PRMT8: variants seen among roughly 807,000 people sequenced by gnomAD.
PRMT8 encodes protein arginine N-methyltransferase 8.
PRMT8 carries 7 observed loss-of-function variants against 47.1 expected under a neutral mutation model. That is an observed-to-expected ratio of 0.15 (90% CI 0.08 to 0.28). The LOEUF (loss-of-function observed/expected upper bound fraction) is 0.28, where lower values mean the gene tolerates loss of function less well. PRMT8 is among the 10% of genes least tolerant of loss of function. The probability of loss-of-function intolerance (pLI) is 1.00; values close to 1 mark genes in which losing one functional copy is unlikely to be tolerated. For missense variants in PRMT8, 237 were observed against 505.4 expected (o/e 0.47, Z 5.09); for synonymous variants, 188 against 186.5 (o/e 1.01, Z -0.07).
At chr12:3,402,133 A>G in intron 1 of PRMT8, among the ~76,000 whole-genome samples, 1 of 133,854 alleles carries the variant, frequency 7.5e-6, no homozygotes, top group Admixed American at 6.9e-5. Context: ...AAGAACAAAC[A>G]CTGACTAGTG....
At chr12:3,452,016 T>A (rs1234150476) in intron 1 of PRMT8, among the ~76,000 whole-genome samples, 3 of 152,172 alleles carry the variant, frequency 2.0e-5, no homozygotes, top group Admixed American at 2.0e-4. Flanking sequence ...ACGCCTCCCA[T>A]GGCCTGCAAT....
intron 1 of PRMT8, among the ~76,000 whole-genome samples, chr12:3,472,036 A>G (rs1865167494): frequency 6.6e-6 from 1 of 152,184 alleles, no homozygotes; most frequent in Non-Finnish European, 1.5e-5. Context: ...CAGTGCTTTG[A>G]AAAGATTCCC....
At chr12:3,546,790 C>A (rs1387999933) in intron 2 of PRMT8, among the ~76,000 whole-genome samples, 1 of 152,074 alleles carries the variant, frequency 6.6e-6, no homozygotes, top group South Asian at 2.1e-4. Flanking sequence ...AATATATGAG[C>A]AGAGAACACT....
At chr12:3,578,338 T>A (rs1207954778) in intron 7 of PRMT8, among the ~76,000 whole-genome samples, 2 of 152,160 alleles carry the variant, frequency 1.3e-5, no homozygotes, top group African/African-American at 4.8e-5. Context: ...GATTTTCCTG[T>A]CTTAGCCTCC....
intron 1 of PRMT8, among the ~76,000 whole-genome samples, chr12:3,468,115 C>A (rs190169495): frequency 6.6e-6 from 1 of 152,182 alleles, no homozygotes; most frequent in Non-Finnish European, 1.5e-5. Context: ...GTAAAGAGGG[C>A]CTTCGAAAGA....
intron 1 of PRMT8, among the ~76,000 whole-genome samples, chr12:3,392,077 C>T (rs1358140645): frequency 1.3e-5 from 2 of 152,140 alleles, no homozygotes; most frequent in Non-Finnish European, 2.9e-5. Flanking sequence ...ACAAATGTTT[C>T]TGGTATGCAG....
At position 3,570,693 on chromosome 12, in the gene PRMT8, G is replaced by A. The variant is rs917600; in HGVS notation, c.712+1129G>A. Among the ~76,000 whole-genome samples, 20,444 of 152,220 alleles carry A rather than the reference G, an allele frequency of 0.13. 1,498 individuals carry two copies. The highest frequency in any genetic ancestry group is 0.26 in the East Asian group (1,353 of 5,172). ...AACTCGGCTGGACTCTGCTATGGAT[G>A]TGTGTATTTGTGTGGGTTCATGCCT... On this transcript the variant is annotated intron_variant, in intron 6 of 9. Coordinates refer to ENST00000382622, the MANE Select transcript of PRMT8 (RefSeq NM_019854.5). This position sits in a 1 kb window ranked among gnomAD's most constrained non-coding sequence, Gnocchi z 5.5.
rs1866098265 is a variant in PRMT8 at position 3,535,268 on chromosome 12, G to T, written c.76-5338G>T. Among the ~76,000 whole-genome samples the T allele has an allele frequency of 6.6e-6, 1 of 152,182 alleles. No individual in the cohort carries two copies. ...TCTGCATTTAGTGGGCCCGAGGCCT[G>T]TTCACCCCAGTAGAGTGGGTAGACT... is the stretch of plus-strand genomic sequence containing the variant. On this transcript the variant is annotated intron_variant, in intron 1 of 9. Coordinates refer to ENST00000382622, the MANE Select transcript of PRMT8 (RefSeq NM_019854.5). This position sits in a 1 kb window ranked among gnomAD's most constrained non-coding sequence, Gnocchi z 4.7.
chr12:3,543,519 G>A lies in PRMT8; in HGVS notation c.261+2728G>A, dbSNP rs181105072. ...CCCATCATTAACAAGACCCTCACAC[G>A]GTGGGGAGCAGCCCCACCGGCCTGC... On this transcript the variant is annotated intron_variant, in intron 2 of 9. Transcript: ENST00000382622. Among the ~76,000 whole-genome samples the A allele has an allele frequency of 2.8e-3, 421 of 152,280 alleles. 6 individuals carry two copies. Among genetic ancestry groups the A allele is most frequent in the Non-Finnish European group, 2.4e-3 (160 of 68,004 alleles).
intron 1 of PRMT8, chr12:3,469,170 G>A (rs1277502752): frequency 6.1e-6 from 3 of 491,224 alleles, no homozygotes; most frequent in African/African-American, 2.0e-5. Context: ...CTATATTCCT[G>A]TGTGAGTGTG....
At chr12:3,398,900 G>T (rs1360520478) in intron 1 of PRMT8, among the ~76,000 whole-genome samples, 1 of 152,184 alleles carries the variant, frequency 6.6e-6, no homozygotes, top group East Asian at 1.9e-4. Flanking sequence ...ATGCAGTGGG[G>T]CTGCTCATGG....
rs559976322 is a variant in PRMT8 at position 3,420,508 on chromosome 12, C to T, written c.48+39066C>T. Among the ~76,000 whole-genome samples, 321 of 152,254 alleles carry T rather than the reference C, an allele frequency of 2.1e-3. 1 individual carries two copies. Among genetic ancestry groups the T allele is most frequent in the Admixed American group, 7.5e-3 (115 of 15,306 alleles). The stretch of plus-strand genomic sequence containing the variant: ...CCACTGAGAAGCTGAAAAAGCCAGA[C>T]GCTGTGACAGCCTCCCAGCAGTGAG... On this transcript the variant is annotated intron_variant, in intron 1 of 9. Coordinates refer to the PRMT8 transcript ENST00000452611.
intron 1 of PRMT8, among the ~76,000 whole-genome samples, chr12:3,399,857 C>T (rs1864299543): frequency 6.6e-6 from 1 of 152,194 alleles, no homozygotes; most frequent in Admixed American, 6.5e-5. Flanking sequence ...CTAGAGTGAG[C>T]ATGTGAGTCT....
At chr12:3,520,473 T>C (rs1272168061) in intron 1 of PRMT8, among the ~76,000 whole-genome samples, 1 of 152,148 alleles carries the variant, frequency 6.6e-6, no homozygotes, top group East Asian at 1.9e-4. Flanking sequence ...GTGCCTAACC[T>C]AACTCCAGCC....
intron 1 of PRMT8, among the ~76,000 whole-genome samples, chr12:3,382,473 C>T (rs189061486): frequency 3.5e-4 from 54 of 152,278 alleles, no homozygotes; most frequent in African/African-American, 1.2e-3. Flanking sequence ...TTTTCCTAAT[C>T]GCTAGTGATG....
rs181227274 is a variant in PRMT8 at position 3,528,621 on chromosome 12, G to A, written c.76-11985G>A. On this transcript the variant is annotated intron_variant, in intron 1 of 9. Transcript: ENST00000382622. ...GTCTTATATACTAATTTCATCATTTGTATCATTTCTCGGTTCAGTTTTGTA... is the reference window on the plus strand; with the variant it reads ...GTCTTATATACTAATTTCATCATTTATATCATTTCTCGGTTCAGTTTTGTA... 4.1e-4 allele frequency among the ~76,000 whole-genome samples: 62 copies of A among 151,370 alleles called. 1 individual carries two copies. The highest frequency in any genetic ancestry group is 1.4e-3 in the African/African-American group (58 of 41,256).
At chr12:3,545,449 C>A (rs1420390772) in intron 2 of PRMT8, among the ~76,000 whole-genome samples, 1 of 152,222 alleles carries the variant, frequency 6.6e-6, no homozygotes, top group Non-Finnish European at 1.5e-5. Context: ...CAGAATTGAA[C>A]TGAATCCAAC....
chr12:3,439,306 C>T (rs1864774746), intron 1 of PRMT8, among the ~76,000 whole-genome samples: 1 of 152,106 alleles, frequency 6.6e-6, no homozygotes, highest in Non-Finnish European at 1.5e-5. Flanking sequence ...CTTATTTGCA[C>T]AGATGACACT....
chr12:3,440,445 G>C (rs1455167915), intron 1 of PRMT8, among the ~76,000 whole-genome samples: 1 of 149,568 alleles, frequency 6.7e-6, no homozygotes, highest in African/African-American at 2.5e-5. Flanking sequence ...CTGGGAGACA[G>C]AGCAAGACTC....
Sources: allele counts gnomAD v4.1 joint callset (sites outside exome capture counted in the v4.1 genomes callset), GRCh38; gene constraint gnomAD v4.1.1; non-coding constraint Gnocchi (gnomAD v3.1); transcripts MANE v1.5; gene names NCBI Gene and HGNC (gene_info 2026-07-23, HGNC 2026-07-21).